NRG3: variants seen among roughly 807,000 people sequenced by gnomAD.
NRG3 encodes neuregulin 3.
In NRG3, 31 loss-of-function variants were observed where a neutral mutation model predicts 66.9. The observed-to-expected ratio is 0.46, with a 90% CI of 0.35 to 0.63. The LOEUF (loss-of-function observed/expected upper bound fraction) is 0.63, where lower values mean the gene tolerates loss of function less well. Among genes scored for constraint, NRG3 ranks in the 20% least tolerant of loss-of-function variants. NRG3 has a pLI of 0.00. For missense variants in NRG3, 910 were observed against 878.9 expected, an observed-to-expected ratio of 1.04 and a Z score of -0.45; for synonymous variants, 393 against 359.4, an observed-to-expected ratio of 1.09 and a Z score of -1.06.
At chr10:82,598,596 C>T (rs1431455677) in intron 2 of NRG3, among the ~76,000 whole-genome samples, 1 of 152,128 alleles carries the variant, frequency 6.6e-6, no homozygotes, top group Non-Finnish European at 1.5e-5. Flanking sequence ...GACAATTTCA[C>T]CATGGAGGGA....
chr10:82,921,007 A>G lies in NRG3; in HGVS notation c.1055-30462A>G, dbSNP rs148594008. Among the ~76,000 whole-genome samples the G allele has an allele frequency of 6.5e-3, 988 of 152,228 alleles. 10 individuals are homozygous for G. The highest frequency in any genetic ancestry group is 0.022 in the African/African-American group (925 of 41,538). ...TGAAACGTAACTTCTTACTCCTTAA[A>G]TGTAGGCTACACATAGTGACTTTTC... is the stretch of plus-strand genomic sequence containing the variant. On this transcript the variant is annotated intron_variant, in intron 4 of 8. Transcript: ENST00000372141.
Position 82,362,333 on chromosome 10 carries a change from ATGTGTGTGTG to A in NRG3, c.953+3501_953+3510del, listed in dbSNP as rs56996997. On this transcript the variant is annotated intron_variant, in intron 2 of 8. Transcript: ENST00000372141. ...TTCAAAATATAATGTGTATATATAT[ATGTGTGTGTG>A]TGTGTGTGTGTGTGTGTGTGTGTGT... Among the ~76,000 whole-genome samples the A allele has an allele frequency of 8.5e-3, 1,153 of 135,924 alleles. 13 individuals carry two copies. The highest frequency in any genetic ancestry group is 0.036 in the East Asian group (173 of 4,752). The allele number at this position is 135,924 out of a possible 152,430, so 89.2% of individuals were successfully genotyped here.
chr10:82,058,871 G>A (rs959684844), intron 1 of NRG3, among the ~76,000 whole-genome samples: 13 of 152,206 alleles, frequency 8.5e-5, no homozygotes, highest in African/African-American at 3.1e-4. Flanking sequence ...CCATGGGAAC[G>A]TATATAGGAG....
chr10:82,899,679 G>A (rs1206333193), intron 4 of NRG3, among the ~76,000 whole-genome samples: 1 of 152,056 alleles, frequency 6.6e-6, no homozygotes, highest in Non-Finnish European at 1.5e-5. Context: ...CTCAAAACTA[G>A]CCTCAGTCAT....
intron 2 of NRG3, among the ~76,000 whole-genome samples, chr10:82,367,903 AAG>A (rs2084644858): frequency 6.6e-6 from 1 of 152,126 alleles, no homozygotes; most frequent in Non-Finnish European, 1.5e-5. Context: ...GCTGAGGCAC[AAG>A]AGTCACTTGA....
intron 1 of NRG3, among the ~76,000 whole-genome samples, chr10:81,958,318 A>C (rs1850032985): frequency 1.3e-5 from 2 of 152,246 alleles, no homozygotes; most frequent in Non-Finnish European, 2.9e-5. Context: ...TGGCCAATTC[A>C]GGAAAAACAC....
intron 1 of NRG3, among the ~76,000 whole-genome samples, chr10:82,210,969 C>T (rs906309035): frequency 5.3e-5 from 8 of 150,108 alleles, no homozygotes; most frequent in African/African-American, 1.7e-4. Context: ...GTAAGAGATC[C>T]ATCATCATTT....
intron 1 of NRG3, among the ~76,000 whole-genome samples, chr10:81,882,293 AGAG>A (rs1007324136): frequency 2.0e-5 from 3 of 152,164 alleles, no homozygotes; most frequent in Non-Finnish European, 4.4e-5. Flanking sequence ...CAGTTGGCTA[AGAG>A]GAGTTAGATT....
chr10:82,704,219 C>T (rs1430837052), intron 2 of NRG3, among the ~76,000 whole-genome samples: 1 of 152,024 alleles, frequency 6.6e-6, no homozygotes, highest in Non-Finnish European at 1.5e-5. Flanking sequence ...TTTCATGATA[C>T]ATTCCACCAA....
intron 1 of NRG3, among the ~76,000 whole-genome samples, chr10:82,154,295 T>G (rs2071016364): frequency 6.6e-6 from 1 of 151,994 alleles, no homozygotes; most frequent in Non-Finnish European, 1.5e-5. Flanking sequence ...CATATGGATA[T>G]CCAGTTTTGT....
chr10:82,502,685 G>A (rs926046226), intron 2 of NRG3, among the ~76,000 whole-genome samples: 9 of 152,092 alleles, frequency 5.9e-5, no homozygotes, highest in African/African-American at 2.2e-4. Context: ...TTGTGCCTCA[G>A]TTTCCTCCTA....
intron 1 of NRG3, among the ~76,000 whole-genome samples, chr10:82,176,516 G>A (rs1005525029): frequency 6.6e-6 from 1 of 152,036 alleles, no homozygotes. Context: ...GCCCAAACAC[G>A]TAGGCTACCC....
At chr10:82,438,950 G>A (rs532673570) in intron 2 of NRG3, among the ~76,000 whole-genome samples, 1 of 150,864 alleles carries the variant, frequency 6.6e-6, no homozygotes, top group African/African-American at 2.4e-5. Flanking sequence ...TTTCATATGA[G>A]TCTCTGAATG....
chr10:82,004,234 T>C (rs1401348682), intron 1 of NRG3, among the ~76,000 whole-genome samples: 1 of 152,212 alleles, frequency 6.6e-6, no homozygotes, highest in Admixed American at 6.6e-5. Context: ...GTTACATATC[T>C]ACACACATAT....
chr10:82,527,938 T>C (rs541155358), intron 2 of NRG3, among the ~76,000 whole-genome samples: 6 of 137,842 alleles, frequency 4.4e-5, no homozygotes, highest in Admixed American at 8.3e-5. Context: ...GGTGTGTTTG[T>C]AGTGAGGGCT....
intron 2 of NRG3, among the ~76,000 whole-genome samples, chr10:82,587,976 A>G (rs1406627346): frequency 6.6e-6 from 1 of 152,204 alleles, no homozygotes; most frequent in Admixed American, 6.5e-5. Context: ...CAAGTCATAT[A>G]CATGTGTTTA....
chr10:82,310,743 T>C lies in NRG3; in HGVS notation c.824-47996T>C, dbSNP rs180844967. On this transcript the variant is annotated intron_variant, in intron 1 of 8. Coordinates refer to ENST00000372141, the MANE Select transcript of NRG3 (RefSeq NM_001010848.4). ...GGACAAGATACAAAAACTAGAGAGA[T>C]AGTTGTTCATTCTTTGAGCAGCAAT... Among the ~76,000 whole-genome samples, 10 of 152,176 alleles carry C rather than the reference T, an allele frequency of 6.6e-5. No individual in the cohort carries two copies. The East Asian group carries it at 1.9e-3, about 29-fold the overall frequency.
intron 2 of NRG3, among the ~76,000 whole-genome samples, chr10:82,668,542 G>T (rs1441484508): frequency 6.6e-6 from 1 of 152,094 alleles, no homozygotes. Flanking sequence ...ACCCCAATTT[G>T]AAAATATCAA....
At chr10:82,637,376 G>T (rs924603596) in intron 2 of NRG3, among the ~76,000 whole-genome samples, 1 of 152,008 alleles carries the variant, frequency 6.6e-6, no homozygotes. Flanking sequence ...ATAAATATTT[G>T]TTGAGGAACA....
Sources: allele counts gnomAD v4.1 joint callset (sites outside exome capture counted in the v4.1 genomes callset), GRCh38; gene constraint gnomAD v4.1.1; transcripts MANE v1.5; gene names NCBI Gene and HGNC (gene_info 2026-07-23, HGNC 2026-07-21).